Variants in GPS1 observed in about 807,000 individuals in gnomAD.
GPS1 encodes the protein COP9 signalosome complex subunit 1.
GPS1 carries 11 observed loss-of-function variants against 60.0 expected under a neutral mutation model. The ratio of observed to expected loss-of-function variants is 0.18; its 90% CI spans 0.12 to 0.30. The LOEUF is 0.30. Ranked by LOEUF, GPS1 falls within the 10% of genes least tolerant of loss-of-function variation. The probability of loss-of-function intolerance (pLI) is 1.00; values close to 1 mark genes in which losing one functional copy is unlikely to be tolerated. For synonymous variants in GPS1, 343 were observed against 269.8 expected (o/e 1.27, Z -2.66); for missense variants, 543 against 669.2 (o/e 0.81, Z 2.08).
At chr17:82,056,140 C>G in intron 8 of GPS1, 45 bp downstream of exon 8, 1 of 1,510,768 alleles carries the variant, frequency 6.6e-7, no homozygotes, top group Non-Finnish European at 9.2e-7. Flanking sequence ...CCCCGTCCCT[C>G]TCCGTGGCTG....
intron 1 of GPS1, 22 bp from the exon 2 acceptor site, chr17:82,053,252 A>G: frequency 6.6e-7 from 1 of 1,520,982 alleles, no homozygotes. Flanking sequence ...ACGAGGTGCC[A>G]GGTGCCTGGC....
rs973347591 is a variant in GPS1 at position 82,054,900 on chromosome 17, C to T, written c.612C>T (p.Val204=). The T allele has an allele frequency of 1.3e-6, 2 of 1,585,198 alleles. No homozygotes were observed. The highest frequency in any genetic ancestry group is 8.6e-7 in the Non-Finnish European group (1 of 1,162,496). ...VINMCLNVIK[V]SVYLQNWSHV... Reference sequence around the variant, plus strand: ...TTGGCTCTGCGCCCCCCCGCCAGGTCAGCGTCTACTTGCAGAATTGGTCTC... The same window carrying T: ...TTGGCTCTGCGCCCCCCCGCCAGGTTAGCGTCTACTTGCAGAATTGGTCTC... Residue 204 remains valine, a splice_region_variant and synonymous_variant, in exon 5 of 13, where the codon GTC becomes GTT. Transcript: ENST00000578552.
chr17:82,052,220 C>G lies in GPS1; in HGVS notation c.33+256C>G, dbSNP rs780270950. 7.5e-5 allele frequency: 117 copies of G among 1,567,774 alleles called. No homozygotes were observed. The African/African-American group carries it at 1.4e-3, about 19-fold the overall frequency. ...CCCAGCAGCTCACGGGAGAGGTTCC[C>G]GGCCGCCCCGACGCTAACGCTCTTT... On this transcript the variant is annotated intron_variant, in intron 1 of 12. Coordinates refer to ENST00000578552, the MANE Select transcript of GPS1 (RefSeq NM_001321092.3).
rs1321887258 is a variant in GPS1, at chr17:82,053,895, A to G, written c.154A>G (p.Ser52Gly). 5 of 1,611,990 alleles carry G rather than the reference A, an allele frequency of 3.1e-6. No individual in the cohort carries two copies. Among genetic ancestry groups the G allele is most frequent in the African/African-American group, 1.3e-5 (1 of 74,938 alleles). ...LDLEQYAASY[S>G]GLMRIERLQF... ...TCTGGAACAGTACGCGGCCAGCTACAGCGGCCTGATGCGCATCGAACGGCT... is the reference window on the plus strand; with the variant it reads ...TCTGGAACAGTACGCGGCCAGCTACGGCGGCCTGATGCGCATCGAACGGCT... Residue 52 changes from serine to glycine, a missense_variant, in exon 3 of 13, where the codon AGC (serine) becomes GGC (glycine). By Grantham distance (56) the Ser-to-Gly change is moderately conservative. Around this residue, in one of 3 missense-constraint regions of GPS1, gnomAD observed 181 missense variants for 188.8 expected, o/e 0.96. Transcript: ENST00000578552.
upstream of GPS1, chr17:82,051,719 G>C: frequency 9.5e-7 from 1 of 1,048,012 alleles, no homozygotes; most frequent in Non-Finnish European, 1.1e-6. This position sits in a 1 kb window ranked among gnomAD's most constrained non-coding sequence, Gnocchi z 4.1. Context: ...CCAGGGCCGC[G>C]GCCAGCGCGA....
chr17:82,052,004 G>A, intron 1 of GPS1, 40 bp downstream of exon 1: 1 of 1,142,030 alleles, frequency 8.8e-7, no homozygotes, highest in South Asian at 4.2e-5. Context: ...GCGCCCCCGC[G>A]CCCCCCGCCA....
At chr17:82,051,161 G>A, upstream of GPS1, 4 of 1,307,386 alleles carry the variant, frequency 3.1e-6, no homozygotes, top group Non-Finnish European at 3.9e-6. The surrounding 1 kb of genome is among the most constrained non-coding windows in gnomAD (Gnocchi z 4.1). Flanking sequence ...GACCTGGGCA[G>A]CGTCGGGGCC....
chr17:82,054,121 T>G, intron 3 of GPS1, 72 bp downstream of exon 3: 1 of 1,470,696 alleles, frequency 6.8e-7, no homozygotes, highest in Non-Finnish European at 9.1e-7. Flanking sequence ...CTGGGCCCCC[T>G]TCCTGTGCCC....
In GPS1 at chr17:82,054,687, C is replaced by T. The variant is rs1252173139; in HGVS notation, c.486C>T (p.Asp162=). Residue 162 remains aspartate (D), a synonymous_variant, in exon 4 of 13, where the codon GAC becomes GAT. Coordinates refer to ENST00000578552, the MANE Select transcript of GPS1 (RefSeq NM_001321092.3). Reference sequence around the variant, plus strand: ...AAGAGAGCATCCGGCGCGGCCACGACGACCTGGGCGACCACTACCTGGACT... The same window carrying T: ...AAGAGAGCATCCGGCGCGGCCACGATGACCTGGGCGACCACTACCTGGACT... ...SIKESIRRGH[D]DLGDHYLDCG... 6.2e-6 allele frequency: 10 copies of T among 1,611,728 alleles called. No homozygotes were observed. Among genetic ancestry groups the T allele is most frequent in the African/African-American group, 5.3e-5 (4 of 74,934 alleles).
chr17:82,051,664 G>A (rs985878626), upstream of GPS1: 11 of 1,003,472 alleles, frequency 1.1e-5, no homozygotes, highest in African/African-American at 1.4e-4. This position sits in a 1 kb window ranked among gnomAD's most constrained non-coding sequence, Gnocchi z 4.1. Context: ...GTCCGGGCCG[G>A]GGCGGGCGCG....
rs911416337 is a variant in GPS1, at chr17:82,057,391, A to G, written c.*264A>G. On this transcript the variant is annotated 3_prime_UTR_variant, in exon 13 of 13. Coordinates refer to ENST00000578552, the MANE Select transcript of GPS1 (RefSeq NM_001321092.3). ...TGCGGCACCCAGGCCCAGTGGCACC[A>G]TTTCCCAGACCCCTCCTGTTCCCGC... 1 of 667,218 alleles carries G rather than the reference A, an allele frequency of 1.5e-6. No homozygotes were observed. The highest frequency in any genetic ancestry group is 1.5e-5 in the South Asian group (1 of 66,316). The allele number at this position is 667,218 out of a possible 1,614,324, so 41.3% of individuals were successfully genotyped here.
chr17:82,053,578 C>A (rs1220381942), intron 2 of GPS1: 3 of 518,000 alleles, frequency 5.8e-6, no homozygotes, highest in Non-Finnish European at 1.0e-5. Context: ...GAAGCCAGGG[C>A]AGGTCTCCTC....
At chr17:82,050,964 G>A (rs980579087), upstream of GPS1, 18 of 1,428,490 alleles carry the variant, frequency 1.3e-5, no homozygotes, top group Non-Finnish European at 1.6e-5. Flanking sequence ...GGCGGCCATC[G>A]GTTGGGATCT....
At position 82,055,175 on chromosome 17, in the gene GPS1, G is replaced by A. The variant is rs775312656; in HGVS notation, c.701G>A (p.Arg234His). ...TTCCTCCTACAGCAGCGAGGAGAGCGTGACAGCCAGACCCAGGCCATCCTC... is the reference window on the plus strand; with the variant it reads ...TTCCTCCTACAGCAGCGAGGAGAGCATGACAGCCAGACCCAGGCCATCCTC... ...TPEIAEQRGERDSQTQAILTK... is the reference protein window; with the variant it reads ...TPEIAEQRGEHDSQTQAILTK... The change falls in exon 6 of 13, where the codon CGT becomes CAT. Residue 234 changes from arginine (R) to histidine (H), a missense_variant. Around this residue, in one of 3 missense-constraint regions of GPS1, gnomAD observed 291 missense variants for 353.7 expected, o/e 0.82. Coordinates refer to ENST00000578552, the MANE Select transcript of GPS1 (RefSeq NM_001321092.3). 4.5e-6 allele frequency: 7 copies of A among 1,562,632 alleles called. No individual in the cohort carries two copies. Among genetic ancestry groups the A allele is most frequent in the South Asian group, 1.2e-5 (1 of 85,228 alleles).
chr17:82,051,217 C>T (rs1376953184), upstream of GPS1: 7 of 1,306,088 alleles, frequency 5.4e-6, no homozygotes, highest in African/African-American at 1.5e-5. This position sits in a 1 kb window ranked among gnomAD's most constrained non-coding sequence, Gnocchi z 4.1. Context: ...CCCACAGCAG[C>T]GAAGGGGCCG....
chr17:82,051,497 C>T, upstream of GPS1: 2 of 1,374,002 alleles, frequency 1.5e-6, no homozygotes, highest in Non-Finnish European at 9.4e-7. This position sits in a 1 kb window ranked among gnomAD's most constrained non-coding sequence, Gnocchi z 4.1. Context: ...GGGTCCGGCG[C>T]ACCTGCTGGC....
At chr17:82,051,877 C>T (rs1486352487), upstream of GPS1, 6 of 1,155,306 alleles carry the variant, frequency 5.2e-6, no homozygotes, top group African/African-American at 1.6e-5. The surrounding 1 kb of genome is among the most constrained non-coding windows in gnomAD (Gnocchi z 4.1). Flanking sequence ...GCCCCGGAAG[C>T]GACGGCTTCG....
chr17:82,051,807 G>C, upstream of GPS1: 1 of 1,133,248 alleles, frequency 8.8e-7, no homozygotes, highest in Non-Finnish European at 1.1e-6. The surrounding 1 kb of genome is among the most constrained non-coding windows in gnomAD (Gnocchi z 4.1). Context: ...GGAGAACCTG[G>C]CCGGAGCCGT....
chr17:82,054,650 G>T lies in GPS1; in HGVS notation c.449G>T (p.Gly150Val). The T allele has an allele frequency of 6.2e-7, 1 of 1,610,694 alleles. No homozygotes were observed. The highest frequency in any genetic ancestry group is 8.5e-7 in the Non-Finnish European group (1 of 1,179,772). ...KLDTDLKNYKGNSIKESIRRG... is the reference protein window; with the variant it reads ...KLDTDLKNYKVNSIKESIRRG... Reference sequence around the variant, plus strand: ...GACACAGACCTGAAGAACTACAAGGGCAACTCCATCAAAGAGAGCATCCGG... The same window carrying T: ...GACACAGACCTGAAGAACTACAAGGTCAACTCCATCAAAGAGAGCATCCGG... Residue 150 changes from glycine to valine, a missense_variant, in exon 4 of 13, where the codon GGC becomes GTC. Gly to Val is a moderately radical substitution (Grantham distance 109, BLOSUM62 -3). Around this residue, in one of 3 missense-constraint regions of GPS1, gnomAD observed 71 missense variants for 126.7 expected, o/e 0.56. Transcript: ENST00000578552.
Sources: gnomAD v4.1 joint callset for allele counts on GRCh38, gnomAD v4.1.1 for gene constraint, gnomAD v4.1.1 regional missense constraint, Gnocchi (gnomAD v3.1) non-coding constraint, MANE v1.5 for transcripts, NCBI Gene and HGNC (gene_info 2026-07-23, HGNC 2026-07-21) for gene names.